The following ELAVL4 variants were observed in gnomAD, a reference collection of about 807,000 sequenced individuals.
The protein encoded by ELAVL4 is ELAV-like protein 4.
A neutral mutation model predicts 35.6 loss-of-function variants in ELAVL4; 1 was observed. The ratio of observed to expected loss-of-function variants is 0.03; its 90% confidence interval spans 0.01 to 0.13. The LOEUF is 0.13. Among genes scored for constraint, ELAVL4 ranks in the 10% least tolerant of loss-of-function variants. ELAVL4 has a pLI of 1.00. For missense variants in ELAVL4, 267 were observed against 464.9 expected, an observed-to-expected ratio of 0.57 and a Z score of 3.91; for synonymous variants, 156 against 171.0, an observed-to-expected ratio of 0.91 and a Z score of 0.69.
intron 2 of ELAVL4, among the ~76,000 whole-genome samples, chr1:50,165,812 G>T (rs935381999): frequency 6.7e-6 from 1 of 149,760 alleles, no homozygotes; most frequent in Non-Finnish European, 1.5e-5. Context: ...ATGTGTGTGT[G>T]TATATATATA....
intron 1 of ELAVL4, among the ~76,000 whole-genome samples, chr1:50,126,377 G>A (rs1054685679): frequency 6.6e-6 from 1 of 152,106 alleles, no homozygotes; most frequent in African/African-American, 2.4e-5. Context: ...TGGCTCTGGA[G>A]TCTTAAATCC....
At chr1:50,050,961 C>A (rs969855377) in intron 1 of ELAVL4, among the ~76,000 whole-genome samples, 1 of 151,996 alleles carries the variant, frequency 6.6e-6, no homozygotes, top group African/African-American at 2.4e-5. Flanking sequence ...TTGATATATT[C>A]AAATTCATCT....
intron 3 of ELAVL4, among the ~76,000 whole-genome samples, chr1:50,178,415 A>G (rs1157788216): frequency 2.6e-5 from 4 of 152,214 alleles, no homozygotes; most frequent in African/African-American, 9.7e-5. Flanking sequence ...AATCAAAACA[A>G]AAACAAAGCA....
chr1:50,124,094 G>C (rs575326706), intron 1 of ELAVL4, among the ~76,000 whole-genome samples: 1 of 152,226 alleles, frequency 6.6e-6, no homozygotes, highest in East Asian at 1.9e-4. Context: ...CCTAGCTTAT[G>C]AGTGGGATAT....
At chr1:50,155,744 G>A (rs949106969) in intron 2 of ELAVL4, among the ~76,000 whole-genome samples, 10 of 152,122 alleles carry the variant, frequency 6.6e-5, no homozygotes, top group African/African-American at 1.7e-4. Flanking sequence ...CGTCTTTCTC[G>A]TGAGGGTTTC....
chr1:50,173,454 T>G (rs922497341), intron 2 of ELAVL4, among the ~76,000 whole-genome samples: 20 of 152,170 alleles, frequency 1.3e-4, no homozygotes, highest in African/African-American at 4.8e-4. Flanking sequence ...AATTATAAGT[T>G]TCCATCTCAA....
chr1:50,077,384 T>A (rs1446260667), intron 1 of ELAVL4, among the ~76,000 whole-genome samples: 1 of 152,166 alleles, frequency 6.6e-6, no homozygotes, highest in Non-Finnish European at 1.5e-5. Context: ...AATTGAAGTC[T>A]CACCTTAAGA....
intron 1 of ELAVL4, among the ~76,000 whole-genome samples, chr1:50,114,479 T>C (rs1667613101): frequency 6.6e-6 from 1 of 151,590 alleles, no homozygotes; most frequent in African/African-American, 2.4e-5. Context: ...GAAAAGGTGA[T>C]CTGTGGGTGG....
chr1:50,152,301 A>G (rs1674931247), intron 2 of ELAVL4, among the ~76,000 whole-genome samples: 2 of 152,154 alleles, frequency 1.3e-5, no homozygotes. Context: ...ATTTTTACCT[A>G]GGATGTGAAT....
At chr1:50,078,581 A>G (rs1226940517) in intron 1 of ELAVL4, among the ~76,000 whole-genome samples, 5 of 152,164 alleles carry the variant, frequency 3.3e-5, no homozygotes, top group Non-Finnish European at 5.9e-5. Flanking sequence ...CTGACTCCAA[A>G]GCCAGTAGGG....
intron 5 of ELAVL4, among the ~76,000 whole-genome samples, chr1:50,196,052 C>T (rs1644038215): frequency 6.6e-6 from 1 of 152,226 alleles, no homozygotes; most frequent in Non-Finnish European, 1.5e-5. Flanking sequence ...CTGTATTTAA[C>T]CAAACATGAA....
chr1:50,148,915 T>A lies in ELAVL4; in HGVS notation c.250+3718T>A, dbSNP rs961131426. Among the ~76,000 whole-genome samples the A allele has an allele frequency of 1.9e-4, 29 of 152,292 alleles. No individual in the cohort carries two copies. The South Asian group carries it at 3.1e-3, about 16-fold the overall frequency. On this transcript the variant is annotated intron_variant, in intron 2 of 6. Transcript: ENST00000371824. ...TTGCCTTACTGAATCCAAGTTCCTA[T>A]GTGATCAGTATTTTAGGGGAGAAAA...
At chr1:50,167,429 C>T (rs1303289646) in intron 2 of ELAVL4, among the ~76,000 whole-genome samples, 2 of 152,148 alleles carry the variant, frequency 1.3e-5, no homozygotes, top group Admixed American at 6.5e-5. Context: ...GATAGGCAAA[C>T]CCATTTCTGG....
intron 1 of ELAVL4, among the ~76,000 whole-genome samples, chr1:50,054,381 C>G (rs956193671): frequency 6.6e-6 from 1 of 152,128 alleles, no homozygotes; most frequent in African/African-American, 2.4e-5. Context: ...CATTGTCACT[C>G]CCATCTTGCC....
At chr1:50,145,389 G>A (rs933246368) in intron 2 of ELAVL4, among the ~76,000 whole-genome samples, 192 bp downstream of exon 2, 44 of 152,190 alleles carry the variant, frequency 2.9e-4, no homozygotes, top group African/African-American at 1.1e-3. Context: ...CTGGGGAGCA[G>A]ATGAAGATTT....
At chr1:50,135,379 C>G (rs988521710) in intron 1 of ELAVL4, among the ~76,000 whole-genome samples, 7 of 152,104 alleles carry the variant, frequency 4.6e-5, no homozygotes, top group Non-Finnish European at 1.0e-4. Flanking sequence ...TAGGATTAGT[C>G]TGAGTGTATA....
At chr1:50,113,418 G>C (rs936931619) in intron 1 of ELAVL4, among the ~76,000 whole-genome samples, 2 of 152,008 alleles carry the variant, frequency 1.3e-5, no homozygotes, top group African/African-American at 2.4e-5. Context: ...AGTAAGAAAT[G>C]GTTGTCTTCA....
intron 5 of ELAVL4, among the ~76,000 whole-genome samples, chr1:50,197,171 G>A (rs1425716910): frequency 6.6e-6 from 1 of 152,134 alleles, no homozygotes; most frequent in Non-Finnish European, 1.5e-5. Context: ...GAGAGGTGGG[G>A]GGAATGGTAT....
chr1:50,160,021 T>C (rs568038447), intron 2 of ELAVL4, among the ~76,000 whole-genome samples: 197 of 152,316 alleles, frequency 1.3e-3, no homozygotes, highest in African/African-American at 4.6e-3. Context: ...TGAAAATTAT[T>C]GAGTACTGAG....
Sources: gnomAD v4.1 joint callset for allele counts (sites outside exome capture counted in the v4.1 genomes callset) on GRCh38, gnomAD v4.1.1 for gene constraint, MANE v1.5 for transcripts, NCBI Gene and HGNC (gene_info 2026-07-23, HGNC 2026-07-21) for gene names.